The following INTS3 variants were observed in gnomAD, a reference collection of about 807,000 sequenced individuals.
INTS3 encodes the protein SOSS complex subunit A.
In INTS3, 34 loss-of-function variants were observed where a neutral mutation model predicts 146.3. The observed-to-expected ratio is 0.23, with a 90% CI of 0.18 to 0.31. INTS3 has a LOEUF of 0.31. INTS3 is among the 10% of genes least tolerant of loss of function. The pLI, the probability that INTS3 is intolerant of heterozygous loss-of-function variation, is 1.00. For missense variants in INTS3, 757 were observed against 1,304.2 expected (o/e 0.58, Z 6.46); for synonymous variants, 475 against 494.9 (o/e 0.96, Z 0.53).
In INTS3 at chr1:153,728,713, G is replaced by A; in HGVS notation, c.79G>A (p.Gly27Arg). Residue 27 changes from glycine to arginine, a missense_variant, in exon 1 of 30, where the codon GGA becomes AGA. By Grantham distance (125) the Gly-to-Arg change is moderately radical (BLOSUM62 -2). This residue lies in a region of INTS3 where 160 missense variants were observed against 193.7 expected (regional missense o/e 0.83). Coordinates refer to ENST00000318967, the MANE Select transcript of INTS3 (RefSeq NM_023015.5). ...AGCGGGAGGTGGAGGAGGAGGAGCG[G>A]GAGCAGGAGCCCCAGGAGGGGGGAG... The part of the protein sequence containing the change: ...GAAGGGGGGA[G>R]AGAPGGGRLL... 1 of 1,609,892 alleles carries A rather than the reference G, an allele frequency of 6.2e-7. No homozygotes were observed. The highest frequency in any genetic ancestry group is 8.5e-7 in the Non-Finnish European group (1 of 1,178,048).
rs928375815 is a variant in INTS3, at chr1:153,765,005, G to A, written c.2032G>A (p.Glu678Lys). ...SFSLLLDLLS[E>K]LYQKQPKIGY... Reference sequence around the variant, plus strand: ...CTCTCTACTTCTAGACCTTCTCTCCGAGCTATATCAGAAGCAGCCCAAGAT... The same window carrying A: ...CTCTCTACTTCTAGACCTTCTCTCCAAGCTATATCAGAAGCAGCCCAAGAT... The change falls in exon 20 of 30, where the codon GAG (glutamate) becomes AAG (lysine). Residue 678 changes from glutamate to lysine, a missense_variant. By Grantham distance (56) the Glu-to-Lys change is moderately conservative. Around this residue, in one of 8 missense-constraint regions of INTS3, gnomAD observed 89 missense variants for 210.9 expected, o/e 0.42. Coordinates refer to ENST00000318967, the MANE Select transcript of INTS3 (RefSeq NM_023015.5). The A allele has an allele frequency of 1.9e-6, 3 of 1,613,872 alleles. No individual in the cohort carries two copies. Among genetic ancestry groups the A allele is most frequent in the East Asian group, 2.2e-5 (1 of 44,880 alleles).
At position 153,756,326 on chromosome 1, in the gene INTS3, C is replaced by T. The variant is rs111945087; in HGVS notation, c.958-1246C>T. ...GTTACAGTGAGCTGAGATCGTGCCA[C>T]TGCACTCCAGCCTGGGCAACAGAAT... On this transcript the variant is annotated intron_variant, in intron 9 of 29. Transcript: ENST00000318967. 1.1e-3 allele frequency among the ~76,000 whole-genome samples: 171 copies of T among 152,008 alleles called. 2 individuals carry two copies. The highest frequency in any genetic ancestry group is 4.0e-3 in the African/African-American group (164 of 41,496).
In INTS3 at chr1:153,732,278, A is replaced by G. The variant is rs370969552; in HGVS notation, c.150+3494A>G. 3.3e-3 allele frequency among the ~76,000 whole-genome samples: 500 copies of G among 152,174 alleles called. 2 individuals are homozygous for G. Among genetic ancestry groups the G allele is most frequent in the African/African-American group, 0.01 (422 of 41,530 alleles). ...GGTATGTCTCTACCTGGTTTTCCCCAAGGAATAATTCATATACATATGTGA... is the reference window on the plus strand; with the variant it reads ...GGTATGTCTCTACCTGGTTTTCCCCGAGGAATAATTCATATACATATGTGA... On this transcript the variant is annotated intron_variant, in intron 1 of 29. Transcript: ENST00000318967.
Position 153,757,642 on chromosome 1 carries a change from A to G in INTS3, c.1028A>G (p.Gln343Arg). The G allele has an allele frequency of 6.2e-7, 1 of 1,614,194 alleles. No homozygotes were observed. The highest frequency in any genetic ancestry group is 8.5e-7 in the Non-Finnish European group (1 of 1,180,026). ...CAGTACCTGTCAACTCCAGATAGTC[A>G]GTCTCTGCGCTGTGACCTCATTCGC... ...QRQYLSTPDS[Q>R]SLRCDLIRYI... The change falls in exon 10 of 30, where the codon CAG (glutamine) becomes CGG (arginine). Residue 343 changes from glutamine to arginine, a missense_variant. By Grantham distance (43) the Gln-to-Arg change is conservative. Around this residue, in one of 8 missense-constraint regions of INTS3, gnomAD observed 134 missense variants for 243.1 expected, o/e 0.55. Transcript: ENST00000318967. The surrounding 1 kb of genome is among the most constrained non-coding windows in gnomAD (Gnocchi z 4.0).
rs745498497 is a variant in INTS3, at chr1:153,763,366, G to A, written c.1766+4G>A. 2 of 1,613,844 alleles carry A rather than the reference G, an allele frequency of 1.2e-6. No individual in the cohort carries two copies. The highest frequency in any genetic ancestry group is 4.5e-5 in the East Asian group (2 of 44,886). On this transcript the variant is annotated splice_donor_region_variant and intron_variant, in intron 16 of 29. Coordinates refer to ENST00000318967, the MANE Select transcript of INTS3 (RefSeq NM_023015.5). Reference sequence around the variant, plus strand: ...TACTCCAGCTACAGAAGGGGAGGTGGGTACAGACCTTGTTCTCAACTTCAG... The same window carrying A: ...TACTCCAGCTACAGAAGGGGAGGTGAGTACAGACCTTGTTCTCAACTTCAG...
rs750510293 is a variant in INTS3, at chr1:153,748,746, C to G, written c.575C>G (p.Thr192Arg). The change falls in exon 6 of 30, where the codon ACA (threonine) becomes AGA (arginine). Residue 192 changes from threonine to arginine, a missense_variant. By Grantham distance (71) the Thr-to-Arg change is moderately conservative (BLOSUM62 -1). This residue lies in a region of INTS3 where 134 missense variants were observed against 243.1 expected (regional missense o/e 0.55). Coordinates refer to ENST00000318967, the MANE Select transcript of INTS3 (RefSeq NM_023015.5). ...WLAESVLDIL[T>R]EQREWVLKSS... ...GCAGAAAGTGTTCTGGATATCCTGA[C>G]AGAGCAAAGGTAGCATCCACCACGA... 3 of 1,613,742 alleles carry G rather than the reference C, an allele frequency of 1.9e-6. No individual in the cohort carries two copies. The highest frequency in any genetic ancestry group is 2.5e-6 in the Non-Finnish European group (3 of 1,179,786).
At chr1:153,733,074 C>G (rs1008116760) in intron 1 of INTS3, among the ~76,000 whole-genome samples, 1 of 151,666 alleles carries the variant, frequency 6.6e-6, no homozygotes, top group South Asian at 2.1e-4. Flanking sequence ...AACTCCTGAC[C>G]TCATGATCCA....
At chr1:153,743,208 T>C (rs1409199779) in intron 3 of INTS3, among the ~76,000 whole-genome samples, 1 of 152,218 alleles carries the variant, frequency 6.6e-6, no homozygotes, top group African/African-American at 2.4e-5. Context: ...GAGGACTGAT[T>C]GTAATGCATC....
intron 20 of INTS3, 37 bp from the exon 21 acceptor site, chr1:153,767,637 G>A (rs755304211): frequency 1.3e-6 from 2 of 1,532,076 alleles, no homozygotes; most frequent in Non-Finnish European, 1.8e-6. Context: ...TGGGCACTGG[G>A]GTCAGGCTGC....
intron 20 of INTS3, 104 bp from the exon 21 acceptor site, chr1:153,767,570 A>C: frequency 1.6e-6 from 2 of 1,247,864 alleles, no homozygotes; most frequent in Non-Finnish European, 1.1e-6. Flanking sequence ...AGCACAGGGC[A>C]TCTGGAGCCA....
At chr1:153,748,492 C>A in intron 5 of INTS3, 197 bp from the exon 6 acceptor site, 1 of 646,180 alleles carries the variant, frequency 1.5e-6, no homozygotes, top group South Asian at 1.8e-5. Context: ...AAATTCAGAA[C>A]CTTCCCTTTC....
chr1:153,746,796 T>C, intron 3 of INTS3, 161 bp from the exon 4 acceptor site: 1 of 590,218 alleles, frequency 1.7e-6, no homozygotes, highest in East Asian at 2.8e-5. Context: ...GCAGGACCCC[T>C]GTGGAAAGAA....
intron 9 of INTS3, among the ~76,000 whole-genome samples, chr1:153,756,167 G>A (rs1003954157): frequency 3.3e-5 from 5 of 152,184 alleles, no homozygotes; most frequent in African/African-American, 1.2e-4. Flanking sequence ...CTTGAGGTCA[G>A]GAGTTCAAGA....
chr1:153,768,264 C>G (rs1570882628), intron 21 of INTS3, among the ~76,000 whole-genome samples: 1 of 152,314 alleles, frequency 6.6e-6, no homozygotes, highest in South Asian at 2.1e-4. Context: ...CACTCACACT[C>G]TAGGAACTGG....
chr1:153,748,822 A>G (rs1318969276), intron 6 of INTS3, 67 bp downstream of exon 6: 1 of 1,278,274 alleles, frequency 7.8e-7, no homozygotes, highest in Non-Finnish European at 1.1e-6. Flanking sequence ...GGTGTGGGAA[A>G]TGGGGATGAA....
Position 153,746,987 on chromosome 1 carries a change from G to C in INTS3, c.349G>C (p.Asp117His), listed in dbSNP as rs1671771402. Reference protein sequence around the residue: ...CYRDLALVSRDGMNIVLNKIN... With the variant: ...CYRDLALVSRHGMNIVLNKIN... Reference sequence around the variant, plus strand: ...CCGGGACTTAGCTCTGGTGAGTCGTGATGGCATGAATATTGTCCTGAATAA... The same window carrying C: ...CCGGGACTTAGCTCTGGTGAGTCGTCATGGCATGAATATTGTCCTGAATAA... Residue 117 changes from aspartate to histidine, a missense_variant, in exon 4 of 30, where the codon GAT becomes CAT. Coordinates refer to ENST00000318967, the MANE Select transcript of INTS3 (RefSeq NM_023015.5). The C allele has an allele frequency of 6.2e-7, 1 of 1,613,720 alleles. No homozygotes were observed. Among genetic ancestry groups the C allele is most frequent in the Non-Finnish European group, 8.5e-7 (1 of 1,179,804 alleles).
chr1:153,748,310 G>A, intron 5 of INTS3: 1 of 272,626 alleles, frequency 3.7e-6, no homozygotes. Flanking sequence ...CCAGTTGCTA[G>A]ACTGCAGCTG....
At chr1:153,738,390 A>G (rs1245103920) in intron 1 of INTS3, among the ~76,000 whole-genome samples, 3 of 152,186 alleles carry the variant, frequency 2.0e-5, no homozygotes, top group Non-Finnish European at 1.5e-5. Context: ...TACCGTGCCC[A>G]GCCCTTAAGC....
chr1:153,751,370 T>C, intron 7 of INTS3, 131 bp downstream of exon 7: 1 of 880,170 alleles, frequency 1.1e-6, no homozygotes, highest in Non-Finnish European at 1.8e-6. Flanking sequence ...TTTTCCATCA[T>C]TCATCAACAG....
Sources: gnomAD v4.1 joint callset for allele counts (sites outside exome capture counted in the v4.1 genomes callset) on GRCh38, gnomAD v4.1.1 for gene constraint, gnomAD v4.1.1 regional missense constraint, Gnocchi (gnomAD v3.1) non-coding constraint, MANE v1.5 for transcripts, NCBI Gene and HGNC (gene_info 2026-07-23, HGNC 2026-07-21) for gene names.